The following CHCT1 variants were observed in gnomAD, a reference collection of about 807,000 sequenced individuals.
CHCT1 encodes CHD1 helical C-terminal domain containing protein 1.
the CHCT1 span, among the ~76,000 whole-genome samples, chr17:60,430,563 C>A: frequency 6.6e-6 from 1 of 152,234 alleles, no homozygotes; most frequent in African/African-American, 2.4e-5. Flanking sequence ...TCACTGCAAC[C>A]TCAGCCTCCC....
the CHCT1 span, chr17:60,425,887 G>A: frequency 6.5e-7 from 1 of 1,547,984 alleles, no homozygotes; most frequent in Non-Finnish European, 8.7e-7. Flanking sequence ...TCAAAACTGT[G>A]AGTAAAGAGC....
At chr17:60,428,014 A>C in the CHCT1 span, among the ~76,000 whole-genome samples, 1 of 152,280 alleles carries the variant, frequency 6.6e-6, no homozygotes, top group East Asian at 1.9e-4. Context: ...CAGGGGCTCC[A>C]TGAGGTCAAA....
At chr17:60,431,258 G>A in the CHCT1 span, 1 of 1,600,904 alleles carries the variant, frequency 6.2e-7, no homozygotes, top group Non-Finnish European at 8.5e-7. Flanking sequence ...TCCAGAGACT[G>A]AACCGTAAGA....
chr17:60,426,040 C>T, the CHCT1 span: 59 of 1,298,976 alleles, frequency 4.5e-5, no homozygotes, highest in Non-Finnish European at 6.2e-5. Flanking sequence ...AGCCACCTCC[C>T]GAAACACGCA....
the CHCT1 span, chr17:60,426,477 T>C: frequency 1.8e-6 from 2 of 1,098,268 alleles, no homozygotes; most frequent in East Asian, 2.6e-5. Context: ...AGAGAGCTCC[T>C]AGTCACTCAG....
the CHCT1 span, chr17:60,426,362 C>T: frequency 6.5e-7 from 1 of 1,532,254 alleles, no homozygotes; most frequent in African/African-American, 1.4e-5. Flanking sequence ...TGCTCTGCTC[C>T]CCATACCTAC....
At chr17:60,426,047 C>G in the CHCT1 span, 1 of 1,311,406 alleles carries the variant, frequency 7.6e-7, no homozygotes, top group Non-Finnish European at 1.1e-6. Context: ...TCCCGAAACA[C>G]GCAGCACTGG....
At chr17:60,427,640 C>A in the CHCT1 span, among the ~76,000 whole-genome samples, 1 of 152,110 alleles carries the variant, frequency 6.6e-6, no homozygotes, top group Admixed American at 6.6e-5. Context: ...TCTCGAACTC[C>A]TGACCTCAGG....
At chr17:60,422,146 A>AT in the CHCT1 span, 1 of 302,808 alleles carries the variant, frequency 3.3e-6, no homozygotes, top group African/African-American at 2.3e-5. Flanking sequence ...TCAGAAAAGA[A>AT]TTTTACAAAC....
the CHCT1 span, among the ~76,000 whole-genome samples, chr17:60,424,980 C>A: frequency 6.6e-6 from 1 of 152,156 alleles, no homozygotes; most frequent in African/African-American, 2.4e-5. Flanking sequence ...TATTTCAGAT[C>A]CTACATACCA....
chr17:60,425,817 G>A, the CHCT1 span: 3 of 1,551,714 alleles, frequency 1.9e-6, no homozygotes, highest in Non-Finnish European at 2.6e-6. Context: ...ACAAGCTCCA[G>A]CGCCAGCCCT....
chr17:60,422,583 A>G, the CHCT1 span: 4 of 1,550,188 alleles, frequency 2.6e-6, no homozygotes, highest in Admixed American at 5.9e-5. Context: ...CTACCGGCAC[A>G]CCTGCTGAGA....
chr17:60,422,564 C>T, the CHCT1 span: 24,005 of 1,549,812 alleles, frequency 0.015, 203 homozygotes, highest in Non-Finnish European at 0.019. Context: ...GGGAGTGCCA[C>T]CCTGGAGCCT....
chr17:60,427,038 A>T, the CHCT1 span, among the ~76,000 whole-genome samples: 1 of 152,186 alleles, frequency 6.6e-6, no homozygotes, highest in Non-Finnish European at 1.5e-5. Context: ...TATTTGATGC[A>T]CGGGCAAGCC....
chr17:60,421,351 C>T, the CHCT1 span: 1 of 985,370 alleles, frequency 1.0e-6, no homozygotes. Flanking sequence ...TCCAAAGCTC[C>T]GGGCCTCCGG....
the CHCT1 span, chr17:60,421,847 T>G: frequency 2.6e-5 from 26 of 985,166 alleles, no homozygotes; most frequent in Non-Finnish European, 3.1e-5. Flanking sequence ...GCCTGGTGGC[T>G]GCGCACACGA....
chr17:60,425,921 TC>T, the CHCT1 span: 3 of 1,504,334 alleles, frequency 2.0e-6, no homozygotes, highest in Middle Eastern at 3.4e-4. Flanking sequence ...TGTCCCCTTT[TC>T]CCCATTGGTC....
At chr17:60,429,688 T>C in the CHCT1 span, 1 of 769,970 alleles carries the variant, frequency 1.3e-6, no homozygotes, top group East Asian at 2.7e-5. Flanking sequence ...TCTTCCCTCC[T>C]TTCCATCTTC....
chr17:60,428,485 A>AT, the CHCT1 span, among the ~76,000 whole-genome samples: 1,394 of 134,400 alleles, frequency 0.01, 15 homozygotes, highest in South Asian at 0.021. Flanking sequence ...ATTGGCCTGA[A>AT]TTTTTTTTTT....
Sources: gnomAD v4.1 joint callset for allele counts (sites outside exome capture counted in the v4.1 genomes callset) on GRCh38, gnomAD v4.1.1 for gene constraint, MANE v1.5 for transcripts, NCBI Gene and HGNC (gene_info 2026-07-23, HGNC 2026-07-21) for gene names.